The following SLC39A11 variants were observed in gnomAD, a reference collection of about 807,000 sequenced individuals.
SLC39A11 encodes the protein solute carrier family 39 member 11, also known as zinc transporter ZIP11.
SLC39A11 carries 33 observed loss-of-function variants against 36.1 expected under a neutral mutation model. The observed-to-expected ratio is 0.91, with a 90% confidence interval of 0.69 to 1.22. SLC39A11 has a LOEUF of 1.22. SLC39A11 is among the 50% of genes most tolerant of loss of function. SLC39A11 has a pLI of 0.00. For synonymous variants in SLC39A11, 166 were observed against 170.3 expected (o/e 0.97, Z 0.20); for missense variants, 432 against 430.3 (o/e 1.00, Z -0.03).
intron 4 of SLC39A11, among the ~76,000 whole-genome samples, chr17:73,017,559 C>A (rs2148556338): frequency 6.6e-6 from 1 of 152,030 alleles, no homozygotes; most frequent in South Asian, 2.1e-4. Flanking sequence ...ACTAAAAATA[C>A]AAATTTAGCT....
chr17:72,961,242 A>G (rs1340134766), intron 4 of SLC39A11, among the ~76,000 whole-genome samples: 1 of 152,200 alleles, frequency 6.6e-6, no homozygotes, highest in Non-Finnish European at 1.5e-5. Context: ...CAGGAAACAA[A>G]GATGCTGGAG....
intron 7 of SLC39A11, among the ~76,000 whole-genome samples, chr17:72,702,317 A>T (rs1396493679): frequency 6.6e-6 from 1 of 152,128 alleles, no homozygotes; most frequent in Non-Finnish European, 1.5e-5. Context: ...TGCTTGAAGC[A>T]TGTACTACCT....
intron 5 of SLC39A11, among the ~76,000 whole-genome samples, chr17:72,934,703 C>A (rs955177299): frequency 1.3e-4 from 20 of 152,072 alleles, no homozygotes; most frequent in African/African-American, 4.8e-4. Context: ...CATAATTAAA[C>A]AAATGGATTA....
At chr17:72,801,977 C>T (rs1471187658) in intron 6 of SLC39A11, among the ~76,000 whole-genome samples, 1 of 152,162 alleles carries the variant, frequency 6.6e-6, no homozygotes, top group Non-Finnish European at 1.5e-5. Flanking sequence ...TATACCGAGT[C>T]ATCTGTCAAA....
In SLC39A11 at chr17:72,832,100, A is replaced by G. The variant is rs1450750686; in HGVS notation, c.601+17534T>C. On this transcript the variant is annotated intron_variant, in intron 6 of 9. Coordinates refer to ENST00000255559, the MANE Select transcript of SLC39A11 (RefSeq NM_139177.4). Reference sequence around the variant, plus strand: ...GACAAAATGAAATGGGATCGAGCGTATAATCCCTGTGGCTACTAACTACTG... The same window carrying G: ...GACAAAATGAAATGGGATCGAGCGTGTAATCCCTGTGGCTACTAACTACTG... Among the ~76,000 whole-genome samples, 6 of 152,230 alleles carry G rather than the reference A, an allele frequency of 3.9e-5. No individual in the cohort carries two copies. In the East Asian group the frequency reaches 1.2e-3, roughly 29 times the overall value.
At chr17:73,038,993 C>T (rs1477607685) in intron 3 of SLC39A11, among the ~76,000 whole-genome samples, 1 of 152,122 alleles carries the variant, frequency 6.6e-6, no homozygotes, top group Non-Finnish European at 1.5e-5. Flanking sequence ...CAACTCTTTG[C>T]CCAAGTCCAT....
chr17:73,082,830 G>A (rs1036998312), intron 3 of SLC39A11, among the ~76,000 whole-genome samples: 16 of 138,312 alleles, frequency 1.2e-4, no homozygotes, highest in Non-Finnish European at 2.0e-4. Flanking sequence ...GGCCAACACG[G>A]CAAAACCCCA....
intron 6 of SLC39A11, among the ~76,000 whole-genome samples, chr17:72,839,887 C>T (rs1335226613): frequency 1.3e-5 from 2 of 152,176 alleles, no homozygotes; most frequent in African/African-American, 2.4e-5. Flanking sequence ...GTGAGAACCA[C>T]GCCAACGTGG....
intron 5 of SLC39A11, among the ~76,000 whole-genome samples, chr17:72,942,919 G>A (rs751934136): frequency 5.9e-5 from 9 of 152,178 alleles, no homozygotes; most frequent in Admixed American, 3.3e-4. Context: ...TAGAGAAACC[G>A]TTCCCAGTCA....
intron 6 of SLC39A11, among the ~76,000 whole-genome samples, chr17:72,748,804 C>G (rs1204602870): frequency 6.6e-6 from 1 of 152,172 alleles, no homozygotes; most frequent in African/African-American, 2.4e-5. Flanking sequence ...CCGTGTCATG[C>G]CCAGATGCAT....
chr17:72,895,352 G>A (rs376334267), intron 5 of SLC39A11, among the ~76,000 whole-genome samples: 1 of 152,166 alleles, frequency 6.6e-6, no homozygotes, highest in African/African-American at 2.4e-5. Flanking sequence ...GCCAAGGTGG[G>A]AGGATCACCT....
At chr17:72,814,052 A>G (rs539867907) in intron 6 of SLC39A11, among the ~76,000 whole-genome samples, 1 of 152,308 alleles carries the variant, frequency 6.6e-6, no homozygotes, top group Non-Finnish European at 1.5e-5. Flanking sequence ...CTCTCATTCT[A>G]CATTCTAGAA....
chr17:73,024,670 C>T (rs2058468889), intron 4 of SLC39A11, among the ~76,000 whole-genome samples: 1 of 152,020 alleles, frequency 6.6e-6, no homozygotes, highest in Non-Finnish European at 1.5e-5. Context: ...GCAGCTCCAG[C>T]CAGCCAAATA....
intron 4 of SLC39A11, among the ~76,000 whole-genome samples, chr17:73,024,967 C>T (rs1207291038): frequency 1.3e-5 from 2 of 150,874 alleles, no homozygotes; most frequent in East Asian, 1.9e-4. Flanking sequence ...CCACCCACCT[C>T]GGCCTCCCAA....
At chr17:72,963,354 T>C (rs1209712762) in intron 4 of SLC39A11, among the ~76,000 whole-genome samples, 1 of 151,838 alleles carries the variant, frequency 6.6e-6, no homozygotes, top group Non-Finnish European at 1.5e-5. Context: ...GTATTTTTAG[T>C]AGAGACGGGG....
intron 5 of SLC39A11, among the ~76,000 whole-genome samples, chr17:72,891,652 T>C (rs2081750972): frequency 6.6e-6 from 1 of 152,114 alleles, no homozygotes; most frequent in Admixed American, 6.6e-5. Flanking sequence ...ACCTCGCTTT[T>C]ACTTCCCTCT....
chr17:73,047,329 A>C (rs2059331973), intron 3 of SLC39A11, among the ~76,000 whole-genome samples: 1 of 152,120 alleles, frequency 6.6e-6, no homozygotes, highest in South Asian at 2.1e-4. Flanking sequence ...CGGCAAGAAG[A>C]ACCACCTTCT....
At chr17:72,994,815 C>G (rs1416848658) in intron 4 of SLC39A11, among the ~76,000 whole-genome samples, 4 of 152,176 alleles carry the variant, frequency 2.6e-5, no homozygotes, top group Non-Finnish European at 5.9e-5. Flanking sequence ...CCTATACGGA[C>G]TGGGTTCTTG....
chr17:72,875,588 G>A (rs933685030), intron 5 of SLC39A11, among the ~76,000 whole-genome samples: 2 of 152,192 alleles, frequency 1.3e-5, no homozygotes, highest in African/African-American at 4.8e-5. Flanking sequence ...AGGCACCCAT[G>A]GCTGTGCATG....
Sources: allele counts gnomAD v4.1 joint callset (sites outside exome capture counted in the v4.1 genomes callset), GRCh38; gene constraint gnomAD v4.1.1; transcripts MANE v1.5; gene names NCBI Gene and HGNC (gene_info 2026-07-23, HGNC 2026-07-21).